The following TMTC1 variants were observed in gnomAD, a reference collection of about 807,000 sequenced individuals.
The protein encoded by TMTC1 is protein O-mannosyl-transferase TMTC1.
TMTC1 carries 73 observed loss-of-function variants against 104.8 expected under a neutral mutation model. That is an observed-to-expected ratio of 0.70 (90% confidence interval 0.58 to 0.85). The LOEUF (loss-of-function observed/expected upper bound fraction) is 0.85, where lower values mean the gene tolerates loss of function less well. Among genes scored for constraint, TMTC1 ranks in the 40% least tolerant of loss-of-function variants. The pLI, the probability that TMTC1 is intolerant of heterozygous loss-of-function variation, is 0.00. For missense variants in TMTC1, 1,035 were observed against 1,096.1 expected (o/e 0.94, Z 0.79); for synonymous variants, 434 against 428.7 (o/e 1.01, Z -0.15).
chr12:29,749,923 G>A (rs1943047390), intron 5 of TMTC1, among the ~76,000 whole-genome samples: 1 of 151,910 alleles, frequency 6.6e-6, no homozygotes, highest in Admixed American at 6.6e-5. Flanking sequence ...ATGACTCTCA[G>A]CTAAGACCCC....
chr12:29,618,423 TACTC>T (rs1388302446), intron 6 of TMTC1, among the ~76,000 whole-genome samples: 6 of 152,212 alleles, frequency 3.9e-5, no homozygotes, highest in Non-Finnish European at 8.8e-5. Context: ...AATTTTTTAA[TACTC>T]ACCAATGTTT....
Position 29,783,321 on chromosome 12 carries a change from A to AGG in TMTC1, c.302+127_302+128dup, listed in dbSNP as rs1478602162. The AGG allele has an allele frequency of 1.3e-6, 1 of 789,918 alleles. No individual in the cohort carries two copies. The highest frequency in any genetic ancestry group is 4.3e-5 in the Admixed American group (1 of 23,254). 48.9% of individuals were successfully genotyped at this position (789,918 alleles called of 1,614,324 possible). ...AAGTGCCATGCACATCCTGGAGAGG[A>AGG]GGGAGGCGTGGAGGGAAAGGGCGGC... On this transcript the variant is annotated intron_variant, in intron 1 of 17. Coordinates refer to ENST00000539277, the MANE Select transcript of TMTC1 (RefSeq NM_001193451.2). This position sits in a 1 kb window ranked among gnomAD's most constrained non-coding sequence, Gnocchi z 4.7.
At chr12:29,566,506 T>A (rs1352433987) in intron 9 of TMTC1, among the ~76,000 whole-genome samples, 1 of 152,092 alleles carries the variant, frequency 6.6e-6, no homozygotes, top group Non-Finnish European at 1.5e-5. Context: ...AATCCACCCA[T>A]CTCGACCTCC....
intron 3 of TMTC1, 104 bp downstream of exon 3, chr12:29,758,600 A>T: frequency 8.8e-7 from 1 of 1,134,468 alleles, no homozygotes; most frequent in Non-Finnish European, 1.3e-6. Flanking sequence ...AATCTTGCTT[A>T]GCATTTCACA....
chr12:29,740,133 CCTCCCAGGTAG>C (rs1207712302), intron 5 of TMTC1, among the ~76,000 whole-genome samples: 1 of 152,152 alleles, frequency 6.6e-6, no homozygotes, highest in East Asian at 1.9e-4. Flanking sequence ...CCTGCCCCAG[CCTCCCAGGTAG>C]CTGAAACCAC....
intron 8 of TMTC1, among the ~76,000 whole-genome samples, chr12:29,583,201 G>GA (rs1461921731): frequency 1.3e-5 from 2 of 152,098 alleles, no homozygotes; most frequent in Non-Finnish European, 2.9e-5. Context: ...AATTCACTTA[G>GA]AAAGAGCTCA....
intron 1 of TMTC1, among the ~76,000 whole-genome samples, chr12:29,781,705 G>A (rs539192988): frequency 1.3e-3 from 202 of 152,234 alleles, no homozygotes; most frequent in African/African-American, 4.8e-3. Context: ...GCATGTGCCA[G>A]TAGTAGTTCC....
intron 5 of TMTC1, among the ~76,000 whole-genome samples, chr12:29,654,657 T>C (rs1395382951): frequency 3.3e-5 from 5 of 151,884 alleles, no homozygotes; most frequent in Admixed American, 2.6e-4. Context: ...TGTATGTGAA[T>C]GTTCATAGCA....
At chr12:29,537,682 G>A (rs1309295486) in intron 10 of TMTC1, among the ~76,000 whole-genome samples, 1 of 152,122 alleles carries the variant, frequency 6.6e-6, no homozygotes, top group African/African-American at 2.4e-5. Flanking sequence ...TGCATGCTGC[G>A]ATTTCAGCAG....
chr12:29,601,595 A>G (rs1483425956), intron 7 of TMTC1, among the ~76,000 whole-genome samples: 3 of 151,902 alleles, frequency 2.0e-5, no homozygotes, highest in Non-Finnish European at 1.5e-5. Context: ...CCTATCAGGG[A>G]AGCAATATAG....
chr12:29,778,411 C>T (rs1943760166), intron 1 of TMTC1, among the ~76,000 whole-genome samples: 1 of 152,130 alleles, frequency 6.6e-6, no homozygotes, highest in Non-Finnish European at 1.5e-5. Flanking sequence ...TATTTTAAAC[C>T]ATTCTGGACC....
intron 7 of TMTC1, among the ~76,000 whole-genome samples, chr12:29,587,327 T>C (rs1946164880): frequency 6.6e-6 from 1 of 152,074 alleles, no homozygotes; most frequent in Non-Finnish European, 1.5e-5. Flanking sequence ...CCTCTCTCTT[T>C]TCTTCTTTAT....
chr12:29,688,015 T>A (rs909145259), intron 5 of TMTC1, among the ~76,000 whole-genome samples: 9 of 152,154 alleles, frequency 5.9e-5, no homozygotes, highest in Non-Finnish European at 1.3e-4. Context: ...ATTCAGTCTA[T>A]AAAGACTTGA....
intron 6 of TMTC1, among the ~76,000 whole-genome samples, chr12:29,610,263 C>T (rs950468005): frequency 6.6e-6 from 1 of 152,170 alleles, no homozygotes; most frequent in South Asian, 2.1e-4. Context: ...TCCCTGGCTT[C>T]GTCCTGTACA....
At chr12:29,744,006 T>C (rs967161026) in intron 5 of TMTC1, among the ~76,000 whole-genome samples, 5 of 152,130 alleles carry the variant, frequency 3.3e-5, no homozygotes, top group African/African-American at 9.7e-5. Context: ...GCTGAGCTGA[T>C]AGAAAGTCAT....
At chr12:29,531,059 T>C (rs775774417) in intron 11 of TMTC1, among the ~76,000 whole-genome samples, 18 of 152,138 alleles carry the variant, frequency 1.2e-4, no homozygotes, top group Non-Finnish European at 2.2e-4. Context: ...GTGTTAGACA[T>C]TGGGGAGGGA....
intron 5 of TMTC1, among the ~76,000 whole-genome samples, chr12:29,726,642 CT>C (rs1240276158): frequency 6.6e-6 from 1 of 152,114 alleles, no homozygotes; most frequent in Non-Finnish European, 1.5e-5. Context: ...CTCATTATAC[CT>C]TTATAATAAC....
intron 2 of TMTC1, among the ~76,000 whole-genome samples, chr12:29,761,362 T>C (rs1943344767): frequency 6.6e-6 from 1 of 151,822 alleles, no homozygotes; most frequent in Admixed American, 6.6e-5. Context: ...TTTTATATAT[T>C]GAGAGAGAAA....
At chr12:29,647,852 C>A (rs978682590) in intron 5 of TMTC1, among the ~76,000 whole-genome samples, 1 of 152,156 alleles carries the variant, frequency 6.6e-6, no homozygotes, top group African/African-American at 2.4e-5. Flanking sequence ...TGAAAGACAA[C>A]CAATTTGAAT....
Sources: allele counts gnomAD v4.1 joint callset (sites outside exome capture counted in the v4.1 genomes callset), GRCh38; gene constraint gnomAD v4.1.1; non-coding constraint Gnocchi (gnomAD v3.1); transcripts MANE v1.5; gene names NCBI Gene and HGNC (gene_info 2026-07-23, HGNC 2026-07-21).